The following MYO15A variants were observed in gnomAD, a reference collection of about 807,000 sequenced individuals.
MYO15A encodes the protein myosin XVA.
In MYO15A, 308 loss-of-function variants were observed where a neutral mutation model predicts 394.6. The ratio of observed to expected loss-of-function variants is 0.78; its 90% CI spans 0.71 to 0.86. The LOEUF is 0.86. Among genes scored for constraint, MYO15A ranks in the 40% least tolerant of loss-of-function variants. The probability of loss-of-function intolerance (pLI) is 0.00; values close to 1 mark genes in which losing one functional copy is unlikely to be tolerated. For missense variants in MYO15A, 4,606 were observed against 4,799.1 expected, an observed-to-expected ratio of 0.96 and a Z score of 1.19; for synonymous variants, 1,957 against 2,003.8, an observed-to-expected ratio of 0.98 and a Z score of 0.62.
chr17:18,144,024 G>A, intron 28 of MYO15A, 24 bp downstream of exon 28: 2 of 1,613,060 alleles, frequency 1.2e-6, no homozygotes, highest in Non-Finnish European at 1.7e-6. Flanking sequence ...GAAGTCCAAG[G>A]CTCCCTGGCT....
chr17:18,155,156 G>A lies in MYO15A; in HGVS notation c.8271G>A (p.Val2757=). 6.2e-7 allele frequency: 1 copy of A among 1,613,988 alleles called. No homozygotes were observed. Among genetic ancestry groups the A allele is most frequent in the Non-Finnish European group, 8.5e-7 (1 of 1,180,026 alleles). ...AGAAGCCTCTGGTAACGGAAAGCGT[G>A]AAGCGGGCCGTGGTCAGCACTGCAC... ...DTQKPLVTES[V]KRAVVSTARD... Residue 2757 remains valine, a synonymous_variant, in exon 46 of 66, where the codon GTG becomes GTA. Transcript: ENST00000647165.
Position 18,158,580 on chromosome 17 carries a change from C to T in MYO15A, c.9025C>T (p.Pro3009Ser), listed in dbSNP as rs751006503. 17 of 1,614,186 alleles carry T rather than the reference C, an allele frequency of 1.1e-5. No individual in the cohort carries two copies. Among genetic ancestry groups the T allele is most frequent in the Middle Eastern group, 1.7e-4 (1 of 6,060 alleles). ...TGGGGAGGACGCCCTGGCGCTCCCA[C>T]CCTACACAATGCTCGAGTTTGCCCA... ...DHGEDALALP[P>S]YTMLEFAQKY... Residue 3009 changes from proline to serine, a missense_variant, in exon 52 of 66, where the codon CCC (proline) becomes TCC (serine). This residue lies in a region of MYO15A where 2,776 missense variants were observed against 3,109.3 expected (regional missense o/e 0.89). Coordinates refer to ENST00000647165, the MANE Select transcript of MYO15A (RefSeq NM_016239.4).
Position 18,179,012 on chromosome 17 carries a change from C to T in MYO15A, c.*142C>T. 1 of 810,276 alleles carries T rather than the reference C, an allele frequency of 1.2e-6. No homozygotes were observed. The highest frequency in any genetic ancestry group is 2.1e-5 in the Admixed American group (1 of 48,700). The allele number at this position is 810,276 out of a possible 1,614,324, so 50.2% of individuals were successfully genotyped here. A position where few individuals can be genotyped will look rare whatever the true frequency, so the allele number is the denominator to read the frequency against. ...CTAAGAGGAGGCAGGAGGAGCAACT[C>T]AAATCCCCAAGAACACAAGAAGACC... On this transcript the variant is annotated 3_prime_UTR_variant, in exon 66 of 66. Coordinates refer to ENST00000647165, the MANE Select transcript of MYO15A (RefSeq NM_016239.4).
chr17:18,138,824 C>T lies in MYO15A; in HGVS notation c.5021C>T (p.Thr1674Ile), dbSNP rs2046326230. 1.9e-6 allele frequency: 3 copies of T among 1,613,936 alleles called. No individual in the cohort carries two copies. The highest frequency in any genetic ancestry group is 2.5e-6 in the Non-Finnish European group (3 of 1,179,960). Reference sequence around the variant, plus strand: ...AATTGCCCCCAGGCTACAGACCACACCTTCCTACAGAAGTGCCACTACCAT... The same window carrying T: ...AATTGCCCCCAGGCTACAGACCACATCTTCCTACAGAAGTGCCACTACCAT... Reference protein sequence around the residue: ...QCCFPQATDHTFLQKCHYHHG... With the variant: ...QCCFPQATDHIFLQKCHYHHG... Residue 1674 changes from threonine to isoleucine, a missense_variant, in exon 18 of 66, where the codon ACC becomes ATC. Physicochemically the swap from Thr to Ile is moderately conservative, Grantham distance 89. Around this residue, in one of 2 missense-constraint regions of MYO15A, gnomAD observed 2,776 missense variants for 3,109.3 expected, o/e 0.89. Coordinates refer to ENST00000647165, the MANE Select transcript of MYO15A (RefSeq NM_016239.4).
intron 7 of MYO15A, among the ~76,000 whole-genome samples, chr17:18,127,776 A>C (rs1367538812): frequency 6.6e-6 from 1 of 150,392 alleles, no homozygotes; most frequent in African/African-American, 2.4e-5. Context: ...AACTCAGGCA[A>C]ATGTTCACAC....
chr17:18,152,908 G>A (rs1207635133), intron 42 of MYO15A, among the ~76,000 whole-genome samples: 1 of 152,176 alleles, frequency 6.6e-6, no homozygotes, highest in Non-Finnish European at 1.5e-5. Context: ...AGATTGCTAG[G>A]AGTGAAGGAC....
chr17:18,160,915 A>C, intron 56 of MYO15A: 2 of 365,664 alleles, frequency 5.5e-6, no homozygotes, highest in Non-Finnish European at 1.1e-5. Context: ...TCTCCTCAGG[A>C]TTTTTAGAAC....
intron 29 of MYO15A, among the ~76,000 whole-genome samples, chr17:18,145,113 A>G (rs939412984): frequency 1.8e-4 from 27 of 152,206 alleles, no homozygotes; most frequent in Non-Finnish European, 2.6e-4. Context: ...CAAGAGGGCA[A>G]GGGTGAGACT....
Position 18,133,334 on chromosome 17 carries a change from G to T in MYO15A, c.4430G>T (p.Arg1477Leu), listed in dbSNP as rs374320243. Residue 1477 changes from arginine (R) to leucine (L), a missense_variant, in exon 12 of 66, where the codon CGC becomes CTC. By Grantham distance (102) the Arg-to-Leu change is moderately radical. This residue lies in a region of MYO15A where 2,776 missense variants were observed against 3,109.3 expected (regional missense o/e 0.89). Coordinates refer to ENST00000647165, the MANE Select transcript of MYO15A (RefSeq NM_016239.4). ...AGTGAGGACCAGGACAGCATCTTCC[G>T]CATCCTGGCCTCCATCCTGCACCTG... ...FSSEDQDSIFRILASILHLGN... is the reference protein window; with the variant it reads ...FSSEDQDSIFLILASILHLGN... 1 of 1,614,152 alleles carries T rather than the reference G, an allele frequency of 6.2e-7. No homozygotes were observed. Among genetic ancestry groups the T allele is most frequent in the South Asian group, 1.1e-5 (1 of 91,078 alleles).
intron 16 of MYO15A, 91 bp downstream of exon 16, chr17:18,137,770 G>A: frequency 7.2e-7 from 1 of 1,385,110 alleles, no homozygotes; most frequent in Non-Finnish European, 1.0e-6. Context: ...TTGTTTAAGG[G>A]CAATTCTGAC....
rs1567655719 is a variant in MYO15A at position 18,154,767 on chromosome 17, G to A, written c.8224+12G>A. On this transcript the variant is annotated intron_variant, in intron 45 of 65. Coordinates refer to ENST00000647165, the MANE Select transcript of MYO15A (RefSeq NM_016239.4). ...GAAGGCCTTGTTTGGTATCTCGGGGGAGAGGAGGGGTACTGATGGGGCAAC... is the reference window on the plus strand; with the variant it reads ...GAAGGCCTTGTTTGGTATCTCGGGGAAGAGGAGGGGTACTGATGGGGCAAC... 2 of 1,612,944 alleles carry A rather than the reference G, an allele frequency of 1.2e-6. No homozygotes were observed. The highest frequency in any genetic ancestry group is 2.2e-5 in the East Asian group (1 of 44,878).
At chr17:18,134,386 A>G (rs1040920569) in intron 12 of MYO15A, among the ~76,000 whole-genome samples, 4 of 152,228 alleles carry the variant, frequency 2.6e-5, no homozygotes, top group Non-Finnish European at 5.9e-5. Flanking sequence ...GAAATTTTAA[A>G]CTTTTTCATT....
rs876657708 is a variant in MYO15A, at chr17:18,159,680, G to T, written c.9303+1G>T. 5 of 1,614,112 alleles carry T rather than the reference G, an allele frequency of 3.1e-6. No homozygotes were observed. Among genetic ancestry groups the T allele is most frequent in the Non-Finnish European group, 3.4e-6 (4 of 1,180,018 alleles). On this transcript the variant is annotated splice_donor_variant, in intron 55 of 65. Transcript: ENST00000647165. LOFTEE classifies it high-confidence loss of function. ...GGACGTGCTTTGTAACCTCCTGAAG[G>T]TCAGTCCAGCCAACTTTGCCAGATG...
chr17:18,154,695 C>T lies in MYO15A; in HGVS notation c.8164C>T (p.Leu2722Phe), dbSNP rs910584581. 6.2e-7 allele frequency: 1 copy of T among 1,613,694 alleles called. No individual in the cohort carries two copies. The highest frequency in any genetic ancestry group is 1.3e-5 in the African/African-American group (1 of 75,032). ...LLFRQILHDTLSEACLRISED... is the reference protein window; with the variant it reads ...LLFRQILHDTFSEACLRISED... ...GTTCCCACAGATCCTGCACGACACG[C>T]TCTCCGAGGCCTGCCTTCGCATCTC... Residue 2722 changes from leucine to phenylalanine, a missense_variant, in exon 45 of 66, where the codon CTC becomes TTC. Around this residue, in one of 2 missense-constraint regions of MYO15A, gnomAD observed 2,776 missense variants for 3,109.3 expected, o/e 0.89. Transcript: ENST00000647165.
chr17:18,137,631 C>T lies in MYO15A; in HGVS notation c.4827C>T (p.Asn1609=), dbSNP rs372121604. ...SFEQLCINYA[N]ENLQYLFNKI... is the part of the protein sequence containing the mutation. ...AGCAGCTGTGTATTAACTACGCAAA[C>T]GAGAACCTTCAGTACCTTTTCAACA... The change falls in exon 16 of 66, where the codon AAC becomes AAT. Residue 1609 remains asparagine (N), a synonymous_variant. Coordinates refer to ENST00000647165, the MANE Select transcript of MYO15A (RefSeq NM_016239.4). 2.0e-5 allele frequency: 32 copies of T among 1,614,194 alleles called. No homozygotes were observed. The highest frequency in any genetic ancestry group is 2.7e-5 in the Non-Finnish European group (32 of 1,180,044).
At position 18,120,550 on chromosome 17, in the gene MYO15A, A is replaced by C. The variant is rs773469756; in HGVS notation, c.1750A>C (p.Lys584Gln). The change falls in exon 2 of 66, where the codon AAG becomes CAG. Residue 584 changes from lysine (K) to glutamine (Q), a missense_variant. This residue lies in a region of MYO15A where 1,830 missense variants were observed against 1,689.7 expected (regional missense o/e 1.08). Coordinates refer to ENST00000647165, the MANE Select transcript of MYO15A (RefSeq NM_016239.4). ...CCTCAAGAAGACGCTGTCGGAGAAG[A>C]AGCCCATCGCGCGGCTCAGGGGCAG... Reference protein sequence around the residue: ...RFLKKTLSEKKPIARLRGSQK... With the variant: ...RFLKKTLSEKQPIARLRGSQK... The C allele has an allele frequency of 5.6e-6, 9 of 1,597,978 alleles. No individual in the cohort carries two copies. Among genetic ancestry groups the C allele is most frequent in the Admixed American group, 1.7e-5 (1 of 58,744 alleles).
rs2046876405 is a variant in MYO15A at position 18,167,801 on chromosome 17, G to A, written c.10082+78G>A. ...TCAGCCCACCTCCACCCTCCTCAGA[G>A]CTGGCAGTCCCCAGGCCCTCAGGCT... On this transcript the variant is annotated intron_variant, in intron 62 of 65. Coordinates refer to ENST00000647165, the MANE Select transcript of MYO15A (RefSeq NM_016239.4). The A allele has an allele frequency of 4.4e-6, 7 of 1,585,122 alleles. No individual in the cohort carries two copies. In the South Asian group the frequency reaches 4.5e-5, roughly 10 times the overall value.
At position 18,148,738 on chromosome 17, in the gene MYO15A, A is replaced by G; in HGVS notation, c.6765-23A>G. The G allele has an allele frequency of 6.3e-7, 1 of 1,580,084 alleles. No individual in the cohort carries two copies. The highest frequency in any genetic ancestry group is 8.6e-7 in the Non-Finnish European group (1 of 1,161,952). On this transcript the variant is annotated intron_variant, in intron 32 of 65. Transcript: ENST00000647165. This position sits in a 1 kb window ranked among gnomAD's most constrained non-coding sequence, Gnocchi z 4.8. ...CCTGATGACTCTGTCCCTCATTTCC[A>G]TTCCTGTGCATGCCATCACCAGGGG...
Position 18,121,264 on chromosome 17 carries a change from G to A in MYO15A, c.2464G>A (p.Glu822Lys). Residue 822 changes from glutamate (E) to lysine (K), a missense_variant, in exon 2 of 66, where the codon GAG becomes AAG. Glu to Lys is a moderately conservative substitution (Grantham distance 56, BLOSUM62 1). Around this residue, in one of 2 missense-constraint regions of MYO15A, gnomAD observed 1,830 missense variants for 1,689.7 expected, o/e 1.08. Transcript: ENST00000647165. The surrounding 1 kb of genome is among the most constrained non-coding windows in gnomAD (Gnocchi z 5.3). The stretch of plus-strand genomic sequence containing the variant: ...GGCCCGCCGGCCCCGCTCGCTGCAG[G>A]AGTCCCCAGCCCCACGCCGAGCCGC... ...PPARRPRSLQ[E>K]SPAPRRAAGR... The A allele has an allele frequency of 6.9e-7, 1 of 1,451,610 alleles. No homozygotes were observed. Among genetic ancestry groups the A allele is most frequent in the Non-Finnish European group, 9.0e-7 (1 of 1,106,316 alleles). 89.9% of individuals were successfully genotyped at this position (1,451,610 alleles called of 1,614,324 possible).
Sources: allele counts gnomAD v4.1 joint callset (sites outside exome capture counted in the v4.1 genomes callset), GRCh38; gene constraint gnomAD v4.1.1; regional missense constraint gnomAD v4.1.1; non-coding constraint Gnocchi (gnomAD v3.1); transcripts MANE v1.5; gene names NCBI Gene and HGNC (gene_info 2026-07-23, HGNC 2026-07-21).